SMYD3: variants seen among roughly 807,000 people sequenced by gnomAD.
The protein encoded by SMYD3 is histone-lysine N-methyltransferase SMYD3.
SMYD3 carries 36 observed loss-of-function variants against 57.7 expected under a neutral mutation model. The ratio of observed to expected loss-of-function variants is 0.62; its 90% CI spans 0.48 to 0.82. The LOEUF (loss-of-function observed/expected upper bound fraction) is 0.82. Ranked by LOEUF, SMYD3 falls within the 40% of genes least tolerant of loss-of-function variation. The probability of loss-of-function intolerance (pLI) is 0.00; values close to 1 mark genes in which losing one functional copy is unlikely to be tolerated. For missense variants in SMYD3, 515 were observed against 538.8 expected (o/e 0.96, Z 0.44); for synonymous variants, 211 against 195.0 (o/e 1.08, Z -0.68).
At chr1:246,378,725 TTA>T (rs1491514602) in intron 1 of SMYD3, among the ~76,000 whole-genome samples, 2 of 28,738 alleles carry the variant, frequency 7.0e-5, no homozygotes, top group African/African-American at 9.9e-5. Flanking sequence ...ATATAATATA[TTA>T]TATATTATAT....
At chr1:245,865,277 A>C (rs9287187) in intron 8 of SMYD3, among the ~76,000 whole-genome samples, 5 of 152,082 alleles carry the variant, frequency 3.3e-5, no homozygotes, top group South Asian at 2.1e-4. Context: ...GGGAGTGGAA[A>C]AAGTCTACCC....
chr1:246,379,800 G>A (rs929596009), intron 1 of SMYD3, among the ~76,000 whole-genome samples: 2 of 152,154 alleles, frequency 1.3e-5, no homozygotes, highest in Non-Finnish European at 2.9e-5. Flanking sequence ...AGGTGTTCAA[G>A]ACCAGCCTGG....
At chr1:246,015,833 T>C (rs901406324) in intron 5 of SMYD3, among the ~76,000 whole-genome samples, 2 of 152,250 alleles carry the variant, frequency 1.3e-5, no homozygotes, top group African/African-American at 4.8e-5. Context: ...CATCTGTTGA[T>C]AGACACGTGG....
intron 1 of SMYD3, among the ~76,000 whole-genome samples, chr1:246,437,044 C>T (rs1182023241): frequency 3.9e-5 from 6 of 151,930 alleles, no homozygotes; most frequent in African/African-American, 1.2e-4. Context: ...GGATTACAGG[C>T]ACCCGCCACC....
intron 10 of SMYD3, among the ~76,000 whole-genome samples, chr1:245,823,271 C>T (rs1310922029): frequency 1.3e-5 from 2 of 152,234 alleles, no homozygotes; most frequent in Non-Finnish European, 2.9e-5. Flanking sequence ...TCTGTCCCTG[C>T]TTCTCTGCCC....
intron 10 of SMYD3, among the ~76,000 whole-genome samples, chr1:245,847,556 T>C (rs2148441090): frequency 6.6e-6 from 1 of 152,374 alleles, no homozygotes; most frequent in Non-Finnish European, 1.5e-5. Context: ...CTGATTTCTT[T>C]TGGCTCCCTA....
chr1:245,813,860 C>CTATATATATATATATATATATA (rs6143718), intron 10 of SMYD3, among the ~76,000 whole-genome samples: 1 of 146,962 alleles, frequency 6.8e-6, no homozygotes, highest in African/African-American at 2.6e-5. Flanking sequence ...TCATGGAGCC[C>CTATATATATATATATATATATA]TATATATATA....
rs565391247 is a variant in SMYD3, at chr1:246,100,958, G to A, written c.532-171021C>T. 2.0e-3 allele frequency among the ~76,000 whole-genome samples: 305 copies of A among 151,916 alleles called. 3 individuals are homozygous for A. Among genetic ancestry groups the A allele is most frequent in the African/African-American group, 6.4e-3 (266 of 41,404 alleles). Reference sequence around the variant, plus strand: ...AACTACCATTTAACTTATGCTGTAGGTCACTGCAGCAAAGAAATGATCAAG... The same window carrying A: ...AACTACCATTTAACTTATGCTGTAGATCACTGCAGCAAAGAAATGATCAAG... On this transcript the variant is annotated intron_variant, in intron 5 of 11. Coordinates refer to ENST00000490107, the MANE Select transcript of SMYD3 (RefSeq NM_001167740.2).
intron 1 of SMYD3, among the ~76,000 whole-genome samples, chr1:246,441,136 T>C (rs2067457183): frequency 6.6e-6 from 1 of 152,162 alleles, no homozygotes; most frequent in African/African-American, 2.4e-5. Context: ...AAGAGGAGCT[T>C]TTTATCCAAG....
In SMYD3 at chr1:246,428,793, A is replaced by T. The variant is rs1192741291; in HGVS notation, c.165-73699T>A. The stretch of plus-strand genomic sequence containing the variant: ...CTTAACTGCTGATTCAAACCCATGC[A>T]ATCTACACCACAGCCCATGCTCTTA... On this transcript the variant is annotated intron_variant, in intron 1 of 11. Coordinates refer to ENST00000490107, the MANE Select transcript of SMYD3 (RefSeq NM_001167740.2). Among the ~76,000 whole-genome samples, 7 of 150,866 alleles carry T rather than the reference A, an allele frequency of 4.6e-5. No homozygotes were observed. The East Asian group carries it at 1.4e-3, about 30-fold the overall frequency.
intron 5 of SMYD3, among the ~76,000 whole-genome samples, chr1:246,266,775 G>C (rs2064116700): frequency 6.7e-6 from 1 of 150,096 alleles, no homozygotes; most frequent in Non-Finnish European, 1.5e-5. Flanking sequence ...CCAGCCGAAA[G>C]AAAGACAGAA....
At chr1:245,839,633 A>G (rs1264521224) in intron 10 of SMYD3, among the ~76,000 whole-genome samples, 1 of 135,718 alleles carries the variant, frequency 7.4e-6, no homozygotes, top group Non-Finnish European at 1.5e-5. Context: ...TGGATACGCA[A>G]CTATGTGACT....
chr1:246,358,523 C>G (rs2065940044), intron 1 of SMYD3, among the ~76,000 whole-genome samples: 1 of 152,140 alleles, frequency 6.6e-6, no homozygotes, highest in Admixed American at 6.5e-5. Flanking sequence ...TTCTATTCAT[C>G]AGCACATGGA....
intron 1 of SMYD3, among the ~76,000 whole-genome samples, chr1:246,502,258 C>T (rs139656720): frequency 6.6e-6 from 1 of 151,924 alleles, no homozygotes; most frequent in Non-Finnish European, 1.5e-5. Flanking sequence ...CCCACCTCAG[C>T]CTTCTGAGTA....
intron 5 of SMYD3, among the ~76,000 whole-genome samples, chr1:246,217,794 T>G (rs2063187860): frequency 6.6e-6 from 1 of 152,122 alleles, no homozygotes; most frequent in Non-Finnish European, 1.5e-5. Flanking sequence ...TTGGCAACAG[T>G]TTTTAAATCC....
chr1:246,067,604 G>GC lies in SMYD3; in HGVS notation c.532-137668dup, dbSNP rs574840328. Among the ~76,000 whole-genome samples, 107 of 151,932 alleles carry GC rather than the reference G, an allele frequency of 7.0e-4. 1 individual carries two copies. Among genetic ancestry groups the GC allele is most frequent in the African/African-American group, 2.1e-3 (88 of 41,430 alleles). The stretch of plus-strand genomic sequence containing the variant: ...AATAGCTGCGCCCACACACACTAAT[G>GC]CCCCCCCACAGCCCACAGCCTTGGG... On this transcript the variant is annotated intron_variant, in intron 5 of 11. Transcript: ENST00000490107.
In SMYD3 at chr1:246,448,844, G is replaced by C. The variant is rs181510751; in HGVS notation, c.164+58210C>G. ...AATGTACCCTTAACTAATCACACAGGTTGCTATGCTTTTAGTTGGCTCACC... is the reference window on the plus strand; with the variant it reads ...AATGTACCCTTAACTAATCACACAGCTTGCTATGCTTTTAGTTGGCTCACC... On this transcript the variant is annotated intron_variant, in intron 1 of 11. Coordinates refer to ENST00000490107, the MANE Select transcript of SMYD3 (RefSeq NM_001167740.2). 2.6e-5 allele frequency among the ~76,000 whole-genome samples: 4 copies of C among 151,894 alleles called. No homozygotes were observed. The East Asian group carries it at 7.7e-4, about 29-fold the overall frequency.
intron 5 of SMYD3, among the ~76,000 whole-genome samples, chr1:246,308,379 C>T (rs978272466): frequency 1.3e-5 from 2 of 152,024 alleles, no homozygotes; most frequent in Non-Finnish European, 1.5e-5. Flanking sequence ...CCTATTTGTC[C>T]ACTTTTTCAA....
chr1:246,234,816 C>G (rs2063488321), intron 5 of SMYD3, among the ~76,000 whole-genome samples: 1 of 152,120 alleles, frequency 6.6e-6, no homozygotes, highest in African/African-American at 2.4e-5. Flanking sequence ...TTTGACTACA[C>G]AATTTGGAAC....
Sources: gnomAD v4.1 joint callset for allele counts (sites outside exome capture counted in the v4.1 genomes callset) on GRCh38, gnomAD v4.1.1 for gene constraint, MANE v1.5 for transcripts, NCBI Gene and HGNC (gene_info 2026-07-23, HGNC 2026-07-21) for gene names.